Variants in GUCY2C observed in about 807,000 individuals in gnomAD.
GUCY2C encodes the protein guanylate cyclase 2C.
GUCY2C carries 118 observed loss-of-function variants against 131.1 expected under a neutral mutation model. The ratio of observed to expected loss-of-function variants is 0.90; its 90% CI spans 0.78 to 1.05. GUCY2C has a LOEUF of 1.05. Ranked by LOEUF, GUCY2C falls within the 50% of genes least tolerant of loss-of-function variation. The pLI is 0.00. For synonymous variants in GUCY2C, 452 were observed against 457.8 expected (o/e 0.99, Z 0.16); for missense variants, 1,161 against 1,304.4 (o/e 0.89, Z 1.69).
intron 24 of GUCY2C, among the ~76,000 whole-genome samples, chr12:14,618,768 T>G (rs879928469): frequency 1.1e-4 from 17 of 152,024 alleles, no homozygotes; most frequent in Non-Finnish European, 2.2e-4. Context: ...GTCACTGCAC[T>G]CCAGCCTGGG....
chr12:14,696,176 T>G, intron 1 of GUCY2C, 56 bp downstream of exon 1: 1 of 1,382,958 alleles, frequency 7.2e-7, no homozygotes, highest in South Asian at 1.2e-5. Flanking sequence ...CTTAGCAACA[T>G]TTTGTCCCCA....
chr12:14,673,537 T>C (rs1948159172), intron 8 of GUCY2C, among the ~76,000 whole-genome samples: 1 of 152,216 alleles, frequency 6.6e-6, no homozygotes. Flanking sequence ...CCAGGCTCTG[T>C]GCTAAGTGAT....
At chr12:14,647,266 A>T (rs536471363) in intron 15 of GUCY2C, among the ~76,000 whole-genome samples, 1 of 152,202 alleles carries the variant, frequency 6.6e-6, no homozygotes, top group South Asian at 2.1e-4. Flanking sequence ...ACTTTCTGAC[A>T]AGTGGCCTCT....
intron 22 of GUCY2C, among the ~76,000 whole-genome samples, chr12:14,621,792 T>C (rs983701213): frequency 1.3e-5 from 2 of 152,232 alleles, no homozygotes; most frequent in African/African-American, 4.8e-5. Flanking sequence ...TCCTGTTGTA[T>C]CTTTTTTGCT....
intron 1 of GUCY2C, among the ~76,000 whole-genome samples, chr12:14,692,094 A>G (rs1034615949): frequency 6.6e-6 from 1 of 152,206 alleles, no homozygotes; most frequent in African/African-American, 2.4e-5. Context: ...TTCTCAAAGT[A>G]TGAGCCACTG....
chr12:14,614,630 G>A, intron 26 of GUCY2C: 1 of 451,124 alleles, frequency 2.2e-6, no homozygotes, highest in Non-Finnish European at 3.9e-6. Flanking sequence ...TTCCAGACAG[G>A]GAAGCCAAGG....
rs3748288 is a variant in GUCY2C, at chr12:14,656,344, G to T, written c.1470+168C>A. Among the ~76,000 whole-genome samples, 309 of 152,304 alleles carry T rather than the reference G, an allele frequency of 2.0e-3. 5 individuals carry two copies. In the East Asian group the frequency reaches 0.049, roughly 24 times the overall value. Reference sequence around the variant, plus strand: ...ATTGGATTAACTAGTTGACATGTAGGAGAATGGAGAATCAAGGGGAAGGGA... The same window carrying T: ...ATTGGATTAACTAGTTGACATGTAGTAGAATGGAGAATCAAGGGGAAGGGA... On this transcript the variant is annotated intron_variant, in intron 12 of 26. Coordinates refer to ENST00000261170, the MANE Select transcript of GUCY2C (RefSeq NM_004963.4).
At chr12:14,654,109 C>T (rs981652095) in intron 12 of GUCY2C, among the ~76,000 whole-genome samples, 3 of 152,186 alleles carry the variant, frequency 2.0e-5, no homozygotes, top group Non-Finnish European at 4.4e-5. Flanking sequence ...TCTCTTTTTA[C>T]CCTCAAATGA....
At chr12:14,649,051 C>G (rs1947584996) in intron 15 of GUCY2C, among the ~76,000 whole-genome samples, 1 of 152,096 alleles carries the variant, frequency 6.6e-6, no homozygotes, top group Admixed American at 6.5e-5. Flanking sequence ...AATACTAAAC[C>G]TGGTTTCCTC....
chr12:14,669,762 A>G lies in GUCY2C; in HGVS notation c.1242T>C (p.Thr414=). The G allele has an allele frequency of 6.2e-7, 1 of 1,605,240 alleles. No individual in the cohort carries two copies. The highest frequency in any genetic ancestry group is 1.3e-5 in the African/African-American group (1 of 74,828). Residue 414 remains threonine (T), a synonymous_variant, in exon 10 of 27, where the codon ACT becomes ACC. Transcript: ENST00000261170. The part of the protein sequence containing the change: ...TYPVDMSPTF[T]WKNSKLPNDI... ...CATTAGGAAGTTTAGAGTTCTTCCA[A>G]GTGAATGTGGGGCTCATATCCACAG...
rs551979205 is a variant in GUCY2C, at chr12:14,618,278, C to G, written c.2875+933G>C. Among the ~76,000 whole-genome samples the G allele has an allele frequency of 2.0e-5, 3 of 152,084 alleles. No individual in the cohort carries two copies. In the East Asian group the frequency reaches 5.8e-4, roughly 29 times the overall value. ...CCAACACTTTGGGGCTTTGGGGGAC[C>G]AAGGCAGGAGACTTGCTTGAGCCCA... is the stretch of plus-strand genomic sequence containing the variant. On this transcript the variant is annotated intron_variant, in intron 24 of 26. Transcript: ENST00000261170.
rs888166 is a variant in GUCY2C at position 14,630,958 on chromosome 12, C to T, written c.2158-2221G>A. On this transcript the variant is annotated intron_variant, in intron 19 of 26. Transcript: ENST00000261170. ...GATATGCTGATTGTGTGGAGGAATC[C>T]TGGAATTCGGAAAAGCAGGACGAAA... Among the ~76,000 whole-genome samples, 876 of 152,180 alleles carry T rather than the reference C, an allele frequency of 5.8e-3. 4 individuals carry two copies. The highest frequency in any genetic ancestry group is 0.02 in the Middle Eastern group (6 of 294).
intron 19 of GUCY2C, among the ~76,000 whole-genome samples, chr12:14,632,075 G>A (rs1947157501): frequency 6.6e-6 from 1 of 152,082 alleles, no homozygotes; most frequent in Non-Finnish European, 1.5e-5. Flanking sequence ...TTTTGACAGG[G>A]TTGTTTTTTT....
chr12:14,679,305 A>T (rs1385422673), intron 6 of GUCY2C, among the ~76,000 whole-genome samples: 1 of 152,144 alleles, frequency 6.6e-6, no homozygotes, highest in Non-Finnish European at 1.5e-5. Context: ...GACTCAAGCA[A>T]TCCTCTTGCC....
chr12:14,693,457 G>A (rs1397682277), intron 1 of GUCY2C, among the ~76,000 whole-genome samples: 4 of 151,944 alleles, frequency 2.6e-5, no homozygotes, highest in African/African-American at 9.7e-5. Context: ...GACCCTCAAA[G>A]CTTTCCTGAT....
intron 1 of GUCY2C, among the ~76,000 whole-genome samples, chr12:14,688,669 A>G (rs947577241): frequency 6.6e-6 from 1 of 152,250 alleles, no homozygotes; most frequent in Non-Finnish European, 1.5e-5. Context: ...GCATTGAACA[A>G]AAGTTCCCCC....
chr12:14,663,339 A>G (rs1282115766), intron 10 of GUCY2C, among the ~76,000 whole-genome samples: 3 of 152,164 alleles, frequency 2.0e-5, no homozygotes, highest in African/African-American at 7.2e-5. Context: ...CTGGCATGCA[A>G]TGGCACGATC....
At chr12:14,656,737 A>G in intron 11 of GUCY2C, 120 bp from the exon 12 acceptor site, 1 of 540,244 alleles carries the variant, frequency 1.9e-6, no homozygotes, top group Admixed American at 2.8e-5. Flanking sequence ...GAGGGAAGGT[A>G]GCCCAATGAC....
intron 2 of GUCY2C, among the ~76,000 whole-genome samples, chr12:14,686,627 A>AG (rs1948475999): frequency 6.6e-6 from 1 of 152,188 alleles, no homozygotes; most frequent in South Asian, 2.1e-4. Flanking sequence ...ACTATAAAAC[A>AG]GGGCTGAAGT....
Sources: gnomAD v4.1 joint callset for allele counts (sites outside exome capture counted in the v4.1 genomes callset) on GRCh38, gnomAD v4.1.1 for gene constraint, MANE v1.5 for transcripts, NCBI Gene and HGNC (gene_info 2026-07-23, HGNC 2026-07-21) for gene names.